SOX5: variants seen among roughly 807,000 people sequenced by gnomAD.
The protein encoded by SOX5 is transcription factor SOX-5.
A neutral mutation model predicts 92.0 loss-of-function variants in SOX5; 9 were observed. The ratio of observed to expected loss-of-function variants is 0.10; its 90% CI spans 0.06 to 0.17. The LOEUF (loss-of-function observed/expected upper bound fraction) is 0.17, where lower values mean the gene tolerates loss of function less well. SOX5 is among the 10% of genes least tolerant of loss of function. The pLI, the probability that SOX5 is intolerant of heterozygous loss-of-function variation, is 1.00. For missense variants in SOX5, 642 were observed against 944.5 expected (o/e 0.68, Z 4.20); for synonymous variants, 344 against 336.3 (o/e 1.02, Z -0.25).
intron 9 of SOX5, among the ~76,000 whole-genome samples, chr12:23,595,263 T>C (rs1952185463): frequency 6.6e-6 from 1 of 151,988 alleles, no homozygotes; most frequent in African/African-American, 2.4e-5. Context: ...GAAATACAAA[T>C]CAACTCTGTA....
chr12:23,605,508 C>T (rs1033037634), intron 8 of SOX5, among the ~76,000 whole-genome samples: 1 of 149,156 alleles, frequency 6.7e-6, no homozygotes, highest in South Asian at 2.1e-4. Flanking sequence ...CACACACACA[C>T]ATCCCAGTTT....
At chr12:23,561,642 A>C (rs1183959892) in intron 11 of SOX5, among the ~76,000 whole-genome samples, 1 of 152,132 alleles carries the variant, frequency 6.6e-6, no homozygotes, top group Non-Finnish European at 1.5e-5. Context: ...CCATCAAAGT[A>C]CTTTTAATGG....
chr12:24,364,511 CATAT>C (rs58135899), intron 2 of SOX5, among the ~76,000 whole-genome samples: 4,724 of 110,442 alleles, frequency 0.043, 149 homozygotes, highest in East Asian at 0.11. Flanking sequence ...AACATTTTTT[CATAT>C]ATATATATAT....
intron 6 of SOX5, among the ~76,000 whole-genome samples, chr12:23,676,932 C>A (rs2139705038): frequency 6.6e-6 from 1 of 152,258 alleles, no homozygotes; most frequent in Admixed American, 6.5e-5. Context: ...TATTGGTATC[C>A]ACAATACCTA....
At chr12:23,651,872 C>T (rs2081609969) in intron 7 of SOX5, among the ~76,000 whole-genome samples, 1 of 151,274 alleles carries the variant, frequency 6.6e-6, no homozygotes, top group Non-Finnish European at 1.5e-5. Context: ...GTAGTTGAAC[C>T]CATTTCATCT....
In SOX5 at chr12:23,536,421, C is replaced by T. The variant is rs1454311638; in HGVS notation, c.1988+32G>A. On this transcript the variant is annotated intron_variant, in intron 14 of 14. Coordinates refer to ENST00000451604, the MANE Select transcript of SOX5 (RefSeq NM_006940.6). ...CCCATTAAGTATAACAGGAAGTTTG[C>T]CCCATGAGAAAAATGACTAAAAGGT... 8 of 1,536,786 alleles carry T rather than the reference C, an allele frequency of 5.2e-6. No individual in the cohort carries two copies. The South Asian group carries it at 6.7e-5, about 13-fold the overall frequency.
chr12:23,783,247 T>C (rs1291956014), intron 3 of SOX5, among the ~76,000 whole-genome samples: 3 of 152,194 alleles, frequency 2.0e-5, no homozygotes, highest in Non-Finnish European at 4.4e-5. Context: ...AGAACAATAT[T>C]TTTTATGTTC....
At chr12:24,065,044 T>A (rs1329295606) in intron 4 of SOX5, among the ~76,000 whole-genome samples, 1 of 152,180 alleles carries the variant, frequency 6.6e-6, no homozygotes, top group Admixed American at 6.5e-5. Flanking sequence ...TAAAATTCAG[T>A]TGCATAAAAA....
chr12:23,896,329 A>C (rs2097177240), intron 1 of SOX5, among the ~76,000 whole-genome samples: 1 of 152,206 alleles, frequency 6.6e-6, no homozygotes, highest in Admixed American at 6.5e-5. Context: ...TTTTAGAGGG[A>C]AGAAAAATAC....
In SOX5 at chr12:23,740,904, C is replaced by T. The variant is rs755547910; in HGVS notation, c.704G>A (p.Arg235His). The T allele has an allele frequency of 1.7e-5, 27 of 1,612,700 alleles. No homozygotes were observed. The highest frequency in any genetic ancestry group is 4.0e-5 in the African/African-American group (3 of 74,864). ...KLAASQIEKQ[R>H]QQMELAKQQQ... Reference sequence around the variant, plus strand: ...CTGCTTGGCCAGCTCCATTTGCTGACGCTGTTTCTCAATCTGAGAGGCAGC... The same window carrying T: ...CTGCTTGGCCAGCTCCATTTGCTGATGCTGTTTCTCAATCTGAGAGGCAGC... The change falls in exon 5 of 15, where the codon CGT (arginine) becomes CAT (histidine). Residue 235 changes from arginine (R) to histidine (H), a missense_variant. By Grantham distance (29) the Arg-to-His change is conservative (BLOSUM62 0). Around this residue, in one of 8 missense-constraint regions of SOX5, gnomAD observed 324 missense variants for 461.6 expected, o/e 0.70. Transcript: ENST00000451604.
chr12:24,145,340 C>T (rs561483504), intron 4 of SOX5, among the ~76,000 whole-genome samples: 5 of 151,950 alleles, frequency 3.3e-5, no homozygotes, highest in Non-Finnish European at 7.4e-5. Flanking sequence ...CCAACCATGA[C>T]AATAACAACA....
At chr12:24,474,430 T>C (rs1405728374) in intron 1 of SOX5, among the ~76,000 whole-genome samples, 1 of 152,206 alleles carries the variant, frequency 6.6e-6, no homozygotes, top group South Asian at 2.1e-4. Context: ...GTGATATCAT[T>C]TGAAGTTTTG....
chr12:23,840,724 C>T (rs945385665), intron 3 of SOX5, among the ~76,000 whole-genome samples: 1 of 152,052 alleles, frequency 6.6e-6, no homozygotes, highest in Non-Finnish European at 1.5e-5. Context: ...GGCAAGTCAA[C>T]GAAGAAATAA....
intron 1 of SOX5, among the ~76,000 whole-genome samples, chr12:24,435,358 C>T (rs1939208621): frequency 6.6e-6 from 1 of 152,212 alleles, no homozygotes; most frequent in South Asian, 2.1e-4. Flanking sequence ...CTTCCTAGTA[C>T]ATGAGCCAAT....
intron 3 of SOX5, among the ~76,000 whole-genome samples, chr12:24,261,820 A>C (rs1942135080): frequency 6.6e-6 from 1 of 152,148 alleles, no homozygotes; most frequent in African/African-American, 2.4e-5. Flanking sequence ...GCCTTTTTGG[A>C]TTCCCGCTTC....
At chr12:23,538,717 T>G (rs1330279143) in intron 13 of SOX5, among the ~76,000 whole-genome samples, 1 of 151,760 alleles carries the variant, frequency 6.6e-6, no homozygotes, top group Non-Finnish European at 1.5e-5. Flanking sequence ...AATACACTGA[T>G]AAATGGATCA....
At chr12:23,758,758 G>A (rs1269256411) in intron 3 of SOX5, among the ~76,000 whole-genome samples, 1 of 151,806 alleles carries the variant, frequency 6.6e-6, no homozygotes, top group Non-Finnish European at 1.5e-5. Context: ...AAGGTATTTA[G>A]GTCATAAGGG....
chr12:23,935,379 G>A (rs115204629), intron 1 of SOX5, among the ~76,000 whole-genome samples: 6 of 151,140 alleles, frequency 4.0e-5, no homozygotes, highest in Non-Finnish European at 1.5e-5. Flanking sequence ...ACACACTTAA[G>A]AATTACTATA....
chr12:24,062,331 G>T (rs551454506), intron 4 of SOX5, among the ~76,000 whole-genome samples: 1 of 152,194 alleles, frequency 6.6e-6, no homozygotes, highest in Non-Finnish European at 1.5e-5. Flanking sequence ...TCTGGTTTCA[G>T]CAAAGTTGAT....
Sources: allele counts gnomAD v4.1 joint callset (sites outside exome capture counted in the v4.1 genomes callset), GRCh38; gene constraint gnomAD v4.1.1; regional missense constraint gnomAD v4.1.1; transcripts MANE v1.5; gene names NCBI Gene and HGNC (gene_info 2026-07-23, HGNC 2026-07-21).